Variants in ACER3 observed in about 807,000 individuals in gnomAD.
ACER3 encodes alkCDase 3.
ACER3 carries 16 observed loss-of-function variants against 48.9 expected under a neutral mutation model. The observed-to-expected ratio is 0.33, with a 90% CI of 0.22 to 0.50. The LOEUF is 0.50. ACER3 is among the 20% of genes least tolerant of loss of function. The pLI is 0.98. For synonymous variants in ACER3, 109 were observed against 107.8 expected (o/e 1.01, Z -0.07); for missense variants, 227 against 326.0 (o/e 0.70, Z 2.34).
chr11:76,994,691 C>T (rs541881628), intron 6 of ACER3, among the ~76,000 whole-genome samples: 4 of 152,282 alleles, frequency 2.6e-5, no homozygotes, highest in Admixed American at 2.6e-4. Flanking sequence ...GTGCCTCTCC[C>T]GTCTCTGTCC....
chr11:76,870,278 A>G (rs1945208964), intron 1 of ACER3, among the ~76,000 whole-genome samples: 1 of 149,064 alleles, frequency 6.7e-6, no homozygotes, highest in Admixed American at 6.7e-5. Flanking sequence ...GGGACCACAG[A>G]TGCATGCCAC....
intron 1 of ACER3, among the ~76,000 whole-genome samples, chr11:76,888,800 C>T (rs958549106): frequency 6.6e-6 from 1 of 152,134 alleles, no homozygotes; most frequent in African/African-American, 2.4e-5. Context: ...CTCTTGTCAC[C>T]TTGCCTTATT....
chr11:76,959,236 G>A, intron 3 of ACER3: 2 of 1,428,758 alleles, frequency 1.4e-6, no homozygotes, highest in Non-Finnish European at 1.8e-6. Context: ...AAATAGTATA[G>A]GGCTTTTTGA....
At chr11:76,979,969 T>C (rs878862732) in intron 4 of ACER3, among the ~76,000 whole-genome samples, 1 of 151,826 alleles carries the variant, frequency 6.6e-6, no homozygotes, top group African/African-American at 2.4e-5. Context: ...GGAGACCTTA[T>C]CTCTACAAAA....
chr11:76,890,645 A>C (rs963296019), intron 1 of ACER3, among the ~76,000 whole-genome samples: 10 of 152,204 alleles, frequency 6.6e-5, no homozygotes, highest in African/African-American at 2.4e-4. Context: ...TCCTGTACTT[A>C]CAGATTTCAA....
rs1280737378 is a variant in ACER3, at chr11:77,021,623, A to G, written c.*1296A>G. On this transcript the variant is annotated 3_prime_UTR_variant, in exon 11 of 11. Transcript: ENST00000532485. ...TTTTTGCTTTATATAAATTATTGTA[A>G]AATCCAGATTGTTTTTACCACATGA... is the stretch of plus-strand genomic sequence containing the variant. The G allele has an allele frequency of 6.6e-6, 1 of 152,086 alleles. No homozygotes were observed. Among genetic ancestry groups the G allele is most frequent in the Non-Finnish European group, 1.5e-5 (1 of 68,014 alleles). 9.4% of individuals were successfully genotyped at this position (152,086 alleles called of 1,614,324 possible).
chr11:77,018,935 T>C (rs1192982630), intron 9 of ACER3, among the ~76,000 whole-genome samples: 1 of 152,198 alleles, frequency 6.6e-6, no homozygotes, highest in Non-Finnish European at 1.5e-5. Flanking sequence ...GCTGAGATTA[T>C]TGATGAAAGT....
chr11:76,985,775 T>C (rs1450606689), intron 5 of ACER3, 51 bp downstream of exon 5: 7 of 1,138,574 alleles, frequency 6.1e-6, no homozygotes, highest in Non-Finnish European at 8.6e-6. Flanking sequence ...TCACCATTTA[T>C]GGAGTTTGAC....
intron 1 of ACER3, among the ~76,000 whole-genome samples, chr11:76,904,207 G>A (rs1446891240): frequency 1.3e-5 from 2 of 151,906 alleles, no homozygotes; most frequent in African/African-American, 2.4e-5. Flanking sequence ...GGCTAGTCTC[G>A]AACTCCTGAC....
chr11:76,892,731 T>G (rs140611203), intron 1 of ACER3, among the ~76,000 whole-genome samples: 55 of 152,308 alleles, frequency 3.6e-4, no homozygotes, highest in African/African-American at 1.3e-3. Context: ...ATTTTTGTCT[T>G]ACTGCTGAGG....
intron 5 of ACER3, among the ~76,000 whole-genome samples, chr11:76,987,139 C>T (rs911749192): frequency 2.0e-5 from 3 of 152,128 alleles, no homozygotes; most frequent in East Asian, 1.9e-4. Context: ...TAATCAGATA[C>T]GTGTTTTAGA....
chr11:76,863,660 G>T (rs1421112388), intron 1 of ACER3, among the ~76,000 whole-genome samples: 1 of 152,166 alleles, frequency 6.6e-6, no homozygotes, highest in African/African-American at 2.4e-5. Flanking sequence ...CAATAGTATT[G>T]ATGGTAATAT....
At position 77,021,040 on chromosome 11, in the gene ACER3, T is replaced by C. The variant is rs782653968; in HGVS notation, c.*713T>C. On this transcript the variant is annotated 3_prime_UTR_variant, in exon 11 of 11. Transcript: ENST00000532485. ...ATCTTATAACCTTTCTGAAGCTCCA[T>C]GAGGACATGTATAGAATGCTGCACC... The C allele has an allele frequency of 6.6e-6, 1 of 152,340 alleles. No individual in the cohort carries two copies. The highest frequency in any genetic ancestry group is 1.5e-5 in the Non-Finnish European group (1 of 68,136). The allele number at this position is 152,340 out of a possible 1,614,324, so 9.4% of individuals were successfully genotyped here.
At chr11:77,007,391 C>T (rs1949176418) in intron 7 of ACER3, among the ~76,000 whole-genome samples, 1 of 152,162 alleles carries the variant, frequency 6.6e-6, no homozygotes, top group Non-Finnish European at 1.5e-5. Context: ...CTGCCAGGTA[C>T]TCGTAGAAGT....
chr11:76,872,199 C>T (rs58566866), intron 1 of ACER3, among the ~76,000 whole-genome samples: 16,438 of 151,982 alleles, frequency 0.11, 2,939 homozygotes, highest in African/African-American at 0.37. Flanking sequence ...GCCTCAGCCT[C>T]CCAAGTAGCT....
At chr11:76,949,559 A>C (rs1028575866) in intron 2 of ACER3, among the ~76,000 whole-genome samples, 1 of 152,170 alleles carries the variant, frequency 6.6e-6, no homozygotes, top group African/African-American at 2.4e-5. Flanking sequence ...CCTTTTTTAA[A>C]TTATCTCCAG....
chr11:76,869,685 T>C (rs1272792708), intron 1 of ACER3, among the ~76,000 whole-genome samples: 1 of 151,028 alleles, frequency 6.6e-6, no homozygotes, highest in East Asian at 1.9e-4. Flanking sequence ...TTTCTACTTT[T>C]CTGTCTCTAT....
intron 1 of ACER3, among the ~76,000 whole-genome samples, chr11:76,892,235 G>A (rs1945825162): frequency 6.6e-6 from 1 of 152,130 alleles, no homozygotes; most frequent in South Asian, 2.1e-4. Flanking sequence ...TGTAAATAAA[G>A]TCACTAGTAT....
intron 7 of ACER3, among the ~76,000 whole-genome samples, chr11:77,005,041 T>C (rs1346122490): frequency 1.5e-5 from 2 of 132,676 alleles, no homozygotes; most frequent in African/African-American, 3.6e-5. Flanking sequence ...TTTTTCTTTT[T>C]TTTTTTTTTT....
Sources: allele counts gnomAD v4.1 joint callset (sites outside exome capture counted in the v4.1 genomes callset), GRCh38; gene constraint gnomAD v4.1.1; transcripts MANE v1.5; gene names NCBI Gene and HGNC (gene_info 2026-07-23, HGNC 2026-07-21).